NRG3: variants seen among roughly 807,000 people sequenced by gnomAD.
The protein encoded by NRG3 is pro-neuregulin-3, membrane-bound isoform.
NRG3 carries 31 observed loss-of-function variants against 66.9 expected under a neutral mutation model. The observed-to-expected ratio is 0.46, with a 90% CI of 0.35 to 0.63. The LOEUF (loss-of-function observed/expected upper bound fraction) is 0.63. Ranked by LOEUF, NRG3 falls within the 20% of genes least tolerant of loss-of-function variation. The probability of loss-of-function intolerance (pLI) is 0.00; values close to 1 mark genes in which losing one functional copy is unlikely to be tolerated. For missense variants in NRG3, 910 were observed against 878.9 expected (o/e 1.04, Z -0.45); for synonymous variants, 393 against 359.4 (o/e 1.09, Z -1.06).
intron 2 of NRG3, among the ~76,000 whole-genome samples, chr10:82,517,628 C>T (rs995995165): frequency 1.6e-5 from 1 of 62,026 alleles, no homozygotes; most frequent in African/African-American, 1.6e-4. Context: ...TCTCTCACCC[C>T]GCCCCCCCGT....
At chr10:82,798,057 C>A (rs1181723942) in intron 3 of NRG3, among the ~76,000 whole-genome samples, 1 of 152,014 alleles carries the variant, frequency 6.6e-6, no homozygotes, top group Non-Finnish European at 1.5e-5. Flanking sequence ...ATTGCCTTTT[C>A]AATACTCTTT....
At chr10:81,935,618 C>T (rs1847782766) in intron 1 of NRG3, among the ~76,000 whole-genome samples, 1 of 152,092 alleles carries the variant, frequency 6.6e-6, no homozygotes, top group Non-Finnish European at 1.5e-5. Context: ...ATCACCCCCT[C>T]CCCACCTTTG....
chr10:82,252,907 C>G (rs2077553431), intron 1 of NRG3, among the ~76,000 whole-genome samples: 1 of 152,160 alleles, frequency 6.6e-6, no homozygotes, highest in Admixed American at 6.5e-5. Flanking sequence ...GTTCTCAGTC[C>G]TCAGTCATTA....
intron 2 of NRG3, among the ~76,000 whole-genome samples, chr10:82,627,296 T>C (rs2049498729): frequency 6.6e-6 from 1 of 152,084 alleles, no homozygotes. Context: ...TATTTAAGCA[T>C]ATCTTTTGCA....
chr10:82,033,720 C>T (rs1047569505), intron 1 of NRG3, among the ~76,000 whole-genome samples: 1 of 152,044 alleles, frequency 6.6e-6, no homozygotes, highest in South Asian at 2.1e-4. Context: ...ATGCAGGATG[C>T]ATCAGGGATT....
At chr10:82,695,434 C>T (rs1306884068) in intron 2 of NRG3, among the ~76,000 whole-genome samples, 1 of 151,902 alleles carries the variant, frequency 6.6e-6, no homozygotes, top group Non-Finnish European at 1.5e-5. Flanking sequence ...AATAGGATCG[C>T]AGTTTAATAT....
chr10:82,300,762 G>A (rs948924812), intron 1 of NRG3, among the ~76,000 whole-genome samples: 13 of 152,006 alleles, frequency 8.6e-5, no homozygotes, highest in Admixed American at 8.5e-4. Flanking sequence ...TGAAATGGTT[G>A]AATTTCACAT....
intron 2 of NRG3, among the ~76,000 whole-genome samples, chr10:82,613,558 ACAAGT>A (rs1451049616): frequency 1.1e-4 from 17 of 151,886 alleles, no homozygotes; most frequent in Non-Finnish European, 8.8e-5. Flanking sequence ...GAATTGTATT[ACAAGT>A]CAAGAAAAGA....
chr10:82,266,223 C>T (rs557616874), intron 1 of NRG3, among the ~76,000 whole-genome samples: 3 of 152,094 alleles, frequency 2.0e-5, no homozygotes, highest in Non-Finnish European at 4.4e-5. Context: ...GGGATTGAGC[C>T]TATTGGTCTC....
chr10:82,381,249 TG>T (rs959836082), intron 2 of NRG3, among the ~76,000 whole-genome samples: 15 of 152,156 alleles, frequency 9.9e-5, no homozygotes, highest in African/African-American at 3.1e-4. Context: ...TTGTATGTAA[TG>T]GTGATGTTAA....
intron 1 of NRG3, among the ~76,000 whole-genome samples, chr10:82,096,283 G>A (rs932237274): frequency 2.0e-5 from 3 of 151,980 alleles, no homozygotes; most frequent in African/African-American, 7.3e-5. Flanking sequence ...GAGACCATCT[G>A]CGCCAACATG....
intron 3 of NRG3, among the ~76,000 whole-genome samples, chr10:82,783,501 C>A (rs2060207718): frequency 6.6e-6 from 1 of 151,874 alleles, no homozygotes; most frequent in Non-Finnish European, 1.5e-5. Context: ...TAAGCAACTT[C>A]AGCAAAGTCT....
At chr10:82,899,737 T>C (rs1844026661) in intron 4 of NRG3, among the ~76,000 whole-genome samples, 1 of 152,190 alleles carries the variant, frequency 6.6e-6, no homozygotes, top group South Asian at 2.1e-4. Flanking sequence ...TTTGGGGAAT[T>C]GTCTGCGTAT....
chr10:82,602,179 G>C (rs1036384646), intron 2 of NRG3, among the ~76,000 whole-genome samples: 1 of 151,806 alleles, frequency 6.6e-6, no homozygotes, highest in Non-Finnish European at 1.5e-5. Context: ...TAAATGTCTA[G>C]TCCACAGTCG....
chr10:82,620,778 CCT>C (rs894484895), intron 2 of NRG3, among the ~76,000 whole-genome samples: 1 of 152,050 alleles, frequency 6.6e-6, no homozygotes. Context: ...CTCACCCACC[CCT>C]GTCTGCCCAG....
At chr10:82,698,210 CA>C (rs1343043480) in intron 2 of NRG3, among the ~76,000 whole-genome samples, 2 of 152,020 alleles carry the variant, frequency 1.3e-5, no homozygotes, top group African/African-American at 2.4e-5. Flanking sequence ...AATGTTCTTG[CA>C]TGAACCATTT....
chr10:82,387,878 C>A (rs2086110237), intron 2 of NRG3, among the ~76,000 whole-genome samples: 1 of 152,148 alleles, frequency 6.6e-6, no homozygotes, highest in Non-Finnish European at 1.5e-5. Flanking sequence ...GAATGCAGAT[C>A]CTTTTCATTT....
intron 2 of NRG3, among the ~76,000 whole-genome samples, chr10:82,646,770 T>C (rs2050965894): frequency 6.6e-6 from 1 of 151,942 alleles, no homozygotes; most frequent in Non-Finnish European, 1.5e-5. Context: ...GGAGCAGAGA[T>C]CAGACCATGT....
At chr10:81,973,646 T>G (rs186440956) in intron 1 of NRG3, among the ~76,000 whole-genome samples, 20 of 152,316 alleles carry the variant, frequency 1.3e-4, no homozygotes, top group Admixed American at 1.3e-3. Flanking sequence ...TGATTTGCAT[T>G]TCTCTCATAA....
Sources: allele counts gnomAD v4.1 joint callset (sites outside exome capture counted in the v4.1 genomes callset), GRCh38; gene constraint gnomAD v4.1.1; transcripts MANE v1.5; gene names NCBI Gene and HGNC (gene_info 2026-07-23, HGNC 2026-07-21).